The following CNKSR2 variants were observed in gnomAD, a reference collection of about 807,000 sequenced individuals.
CNKSR2 encodes connector enhancer of kinase suppressor of Ras 2.
CNKSR2 carries 14 observed loss-of-function variants against 84.4 expected under a neutral mutation model. That is an observed-to-expected ratio of 0.17 (90% CI 0.11 to 0.26). The LOEUF (loss-of-function observed/expected upper bound fraction) is 0.26. Ranked by LOEUF, CNKSR2 falls within the 10% of genes least tolerant of loss-of-function variation. The pLI is 1.00. For missense variants in CNKSR2, 485 were observed against 771.2 expected (o/e 0.63, Z 4.40); for synonymous variants, 275 against 277.9 (o/e 0.99, Z 0.10).
intron 1 of CNKSR2, among the ~76,000 whole-genome samples, chrX:21,409,940 A>G (rs1300891863): frequency 9.0e-6 from 1 of 110,698 alleles, no homozygotes; most frequent in African/African-American, 3.3e-5. Flanking sequence ...ATATTTGTTA[A>G]TTCTTGGGTA....
At chrX:21,444,426 A>G (rs929511791) in intron 4 of CNKSR2, among the ~76,000 whole-genome samples, 3 of 111,669 alleles carry the variant, frequency 2.7e-5, no homozygotes, top group Non-Finnish European at 5.7e-5. Flanking sequence ...ATCCAAGTTC[A>G]TCATCCTGGC....
At chrX:21,491,088 C>T (rs1001384504) in intron 6 of CNKSR2, 2 of 111,348 alleles carry the variant, frequency 1.8e-5, no homozygotes, top group Non-Finnish European at 3.8e-5. Flanking sequence ...ATATTGCCAA[C>T]ACTAGATGTC....
intron 13 of CNKSR2, among the ~76,000 whole-genome samples, chrX:21,584,113 G>C (rs749554331): frequency 8.9e-6 from 1 of 112,022 alleles, no homozygotes; most frequent in South Asian, 3.7e-4. Flanking sequence ...CAGGCATATT[G>C]TGAATTTAAA....
intron 4 of CNKSR2, among the ~76,000 whole-genome samples, chrX:21,444,285 A>C (rs1421285368): frequency 9.0e-6 from 1 of 111,384 alleles, no homozygotes; most frequent in African/African-American, 3.2e-5. Flanking sequence ...TATTGATTAT[A>C]GATATTATAT....
intron 13 of CNKSR2, among the ~76,000 whole-genome samples, chrX:21,574,713 C>T (rs1046746124): frequency 9.0e-6 from 1 of 111,443 alleles, no homozygotes; most frequent in Admixed American, 9.5e-5. Context: ...ACAGCCAAAC[C>T]ATATCAGCCT....
At chrX:21,407,475 A>AGTTTCT (rs1391861456) in intron 1 of CNKSR2, among the ~76,000 whole-genome samples, 1 of 110,881 alleles carries the variant, frequency 9.0e-6, no homozygotes, top group Non-Finnish European at 1.9e-5. Flanking sequence ...ATTATTCTCT[A>AGTTTCT]GTTTCTTTTT....
At chrX:21,573,377 C>A (rs1265641225) in intron 13 of CNKSR2, among the ~76,000 whole-genome samples, 3 of 112,266 alleles carry the variant, frequency 2.7e-5, no homozygotes, top group African/African-American at 9.7e-5. Flanking sequence ...CTCTACTAGG[C>A]AGTGCCCCAG....
At chrX:21,451,899 G>A (rs1258271467) in intron 4 of CNKSR2, among the ~76,000 whole-genome samples, 1 of 111,284 alleles carries the variant, frequency 9.0e-6, no homozygotes, top group East Asian at 2.8e-4. Flanking sequence ...AGCTAGTAGA[G>A]TTATCTGGTA....
intron 3 of CNKSR2, among the ~76,000 whole-genome samples, chrX:21,437,029 T>C (rs1313481822): frequency 1.8e-5 from 2 of 112,091 alleles, no homozygotes; most frequent in Non-Finnish European, 3.8e-5. Flanking sequence ...GGTATGTGTT[T>C]AGATTTTTCT....
In CNKSR2 at chrX:21,584,675, A is replaced by G. The variant is rs760277522; in HGVS notation, c.1609-5897A>G. ...AGCCACAACAACATCTGGGCAAAAA[A>G]CATTTCAGACAGAAGAAACAGCAAG... On this transcript the variant is annotated intron_variant, in intron 13 of 21. Transcript: ENST00000379510. Among the ~76,000 whole-genome samples, 87 of 111,555 alleles carry G rather than the reference A, an allele frequency of 7.8e-4. 1 individual carries two copies. Among genetic ancestry groups the G allele is most frequent in the Non-Finnish European group, 1.3e-3 (69 of 53,124 alleles).
intron 1 of CNKSR2, among the ~76,000 whole-genome samples, chrX:21,375,683 G>A (rs2146932701): frequency 8.9e-6 from 1 of 112,381 alleles, no homozygotes; most frequent in East Asian, 2.8e-4. Context: ...TGGACCTCAC[G>A]GCTTTTTATT....
intron 9 of CNKSR2, among the ~76,000 whole-genome samples, chrX:21,519,391 A>G (rs1395272588): frequency 9.0e-6 from 1 of 111,233 alleles, no homozygotes; most frequent in Non-Finnish European, 1.9e-5. Flanking sequence ...TCTTGAAGGC[A>G]GTTTTTCATA....
At chrX:21,571,042 T>C (rs1280212268) in intron 13 of CNKSR2, among the ~76,000 whole-genome samples, 1 of 112,334 alleles carries the variant, frequency 8.9e-6, no homozygotes, top group African/African-American at 3.2e-5. Flanking sequence ...TGTCAGCCTG[T>C]CTTTTGAAGC....
intron 1 of CNKSR2, among the ~76,000 whole-genome samples, chrX:21,380,587 C>T (rs1380108408): frequency 9.2e-6 from 1 of 109,080 alleles, no homozygotes; most frequent in Non-Finnish European, 1.9e-5. Flanking sequence ...GCTGGGATTA[C>T]AGGCACCCAC....
At chrX:21,481,665 C>T (rs903938599) in intron 5 of CNKSR2, among the ~76,000 whole-genome samples, 5 of 111,261 alleles carry the variant, frequency 4.5e-5, no homozygotes, top group Admixed American at 9.5e-5. Context: ...TCTTGGTGGG[C>T]CTGACCTTAT....
intron 13 of CNKSR2, among the ~76,000 whole-genome samples, chrX:21,578,491 A>G (rs751593529): frequency 9.1e-6 from 1 of 109,639 alleles, no homozygotes; most frequent in East Asian, 2.9e-4. Flanking sequence ...ATAAAAAGCT[A>G]GGCACATTTC....
At position 21,588,133 on chromosome X, in the gene CNKSR2, G is replaced by GC. The variant is rs1322019436; in HGVS notation, c.1609-2439_1609-2438insC. On this transcript the variant is annotated intron_variant, in intron 13 of 21. Coordinates refer to ENST00000379510, the MANE Select transcript of CNKSR2 (RefSeq NM_014927.5). ...TACCCAAGGATATTGAATTGGGCAT[G>GC]TAGACATCCTCTGCCTAGCAACTAC... Among the ~76,000 whole-genome samples the GC allele has an allele frequency of 6.2e-5, 7 of 112,327 alleles. No individual in the cohort carries two copies. The Middle Eastern group carries it at 0.014, about 220-fold the overall frequency.
chrX:21,652,463 T>C lies in CNKSR2; in HGVS notation c.3047T>C (p.Val1016Ala). Residue 1016 changes from valine to alanine, a missense_variant, in exon 22 of 22, where the codon GTA (valine) becomes GCA (alanine). Val to Ala is a moderately conservative substitution (Grantham distance 64, BLOSUM62 0). Coordinates refer to ENST00000379510, the MANE Select transcript of CNKSR2 (RefSeq NM_014927.5). ...GACCCACTGAGTATTTCTTCTGAAGTAGATGTAATCACTTCCTCTCTAGCA... is the reference window on the plus strand; with the variant it reads ...GACCCACTGAGTATTTCTTCTGAAGCAGATGTAATCACTTCCTCTCTAGCA... Reference protein sequence around the residue: ...SNDPLSISSEVDVITSSLAHT... With the variant: ...SNDPLSISSEADVITSSLAHT... The C allele has an allele frequency of 8.3e-7, 1 of 1,210,694 alleles. No homozygotes were observed. Among genetic ancestry groups the C allele is most frequent in the South Asian group, 1.8e-5 (1 of 56,971 alleles).
chrX:21,451,506 C>T (rs775497017), intron 4 of CNKSR2, among the ~76,000 whole-genome samples: 1 of 109,473 alleles, frequency 9.1e-6, no homozygotes, highest in Non-Finnish European at 1.9e-5. Flanking sequence ...CACCATGGAC[C>T]ACTATGCAGC....
Sources: gnomAD v4.1 joint callset for allele counts (sites outside exome capture counted in the v4.1 genomes callset) on GRCh38, gnomAD v4.1.1 for gene constraint, MANE v1.5 for transcripts, NCBI Gene and HGNC (gene_info 2026-07-23, HGNC 2026-07-21) for gene names.